Variants in HTR3B observed in about 807,000 individuals in gnomAD.
The protein encoded by HTR3B is 5-hydroxytryptamine (serotonin) receptor 3B, ionotropic.
In HTR3B, 44 loss-of-function variants were observed where a neutral mutation model predicts 42.8. The ratio of observed to expected loss-of-function variants is 1.03; its 90% CI spans 0.81 to 1.32. The LOEUF is 1.32. HTR3B is among the 40% of genes most tolerant of loss of function. The pLI is 0.00. For synonymous variants in HTR3B, 203 were observed against 209.0 expected, an observed-to-expected ratio of 0.97 and a Z score of 0.25; for missense variants, 527 against 536.5, an observed-to-expected ratio of 0.98 and a Z score of 0.17.
At chr11:113,938,045 C>T (rs996900849) in intron 6 of HTR3B, among the ~76,000 whole-genome samples, 2 of 152,204 alleles carry the variant, frequency 1.3e-5, no homozygotes, top group Admixed American at 1.3e-4. Flanking sequence ...GTCTCTGCCT[C>T]CATCTTCACA....
chr11:113,935,984 T>G (rs530995635), intron 6 of HTR3B, among the ~76,000 whole-genome samples: 2 of 152,136 alleles, frequency 1.3e-5, no homozygotes, highest in African/African-American at 4.8e-5. Context: ...ACAAATTGTT[T>G]ATCAGAGGAC....
chr11:113,901,813 G>C (rs989931274), upstream of HTR3B, among the ~76,000 whole-genome samples: 1 of 152,198 alleles, frequency 6.6e-6, no homozygotes, highest in Non-Finnish European at 1.5e-5. Flanking sequence ...GTTTGACTTA[G>C]AGTCATAGCT....
chr11:113,921,681 G>T (rs1949916294), intron 2 of HTR3B, among the ~76,000 whole-genome samples: 1 of 151,938 alleles, frequency 6.6e-6, no homozygotes, highest in African/African-American at 2.4e-5. Context: ...AATGGAAAAG[G>T]TGTAAAGTAT....
chr11:113,899,515 AAGGGAG>A, the HTR3B span, among the ~76,000 whole-genome samples: 1 of 152,228 alleles, frequency 6.6e-6, no homozygotes, highest in Non-Finnish European at 1.5e-5. Context: ...CATGACTGCC[AAGGGAG>A]TGAACAAAGA....
chr11:113,930,738 T>A (rs1288012104), intron 2 of HTR3B, among the ~76,000 whole-genome samples: 1 of 152,054 alleles, frequency 6.6e-6, no homozygotes, highest in African/African-American at 2.4e-5. Context: ...AATCCTCCTG[T>A]CTTGGCCTCC....
At chr11:113,939,107 G>A (rs1950113667) in intron 6 of HTR3B, among the ~76,000 whole-genome samples, 2 of 152,172 alleles carry the variant, frequency 1.3e-5, no homozygotes, top group Admixed American at 1.3e-4. Flanking sequence ...ACTATTTTGT[G>A]TGTCTTAGAA....
At chr11:113,912,602 A>G (rs1949807983) in intron 2 of HTR3B, among the ~76,000 whole-genome samples, 1 of 152,200 alleles carries the variant, frequency 6.6e-6, no homozygotes, top group Admixed American at 6.5e-5. Context: ...GAGGGTGTAT[A>G]CTTAATGAGA....
At chr11:113,929,375 C>A (rs1565562739) in intron 2 of HTR3B, among the ~76,000 whole-genome samples, 1 of 151,998 alleles carries the variant, frequency 6.6e-6, no homozygotes, top group South Asian at 2.1e-4. Context: ...GGGAGTCCAA[C>A]ATCAGGTTCT....
intron 2 of HTR3B, among the ~76,000 whole-genome samples, chr11:113,926,599 G>A (rs748290563): frequency 6.7e-6 from 1 of 150,284 alleles, no homozygotes; most frequent in Non-Finnish European, 1.5e-5. Context: ...CACGATCTTG[G>A]CTCATTGCAA....
chr11:113,921,067 C>T (rs1949907027), intron 2 of HTR3B, among the ~76,000 whole-genome samples: 1 of 151,744 alleles, frequency 6.6e-6, no homozygotes. Context: ...CCCACCTCAG[C>T]CTCCCAGAGT....
In HTR3B at chr11:113,904,873, T is replaced by C. The variant is rs78316221; in HGVS notation, c.-61T>C. On this transcript the variant is annotated 5_prime_UTR_variant, in exon 1 of 9. Transcript: ENST00000260191. Reference sequence around the variant, plus strand: ...TGGAGAGGAACCCTGTTAGGAGAAATTGAGCGGCATTCCATCTGGTAGGCA... The same window carrying C: ...TGGAGAGGAACCCTGTTAGGAGAAACTGAGCGGCATTCCATCTGGTAGGCA... The C allele has an allele frequency of 1.2e-3, 1,601 of 1,309,258 alleles. 18 individuals are homozygous for C. In the African/African-American group the frequency reaches 0.021, roughly 17 times the overall value. 81.1% of individuals were successfully genotyped at this position (1,309,258 alleles called of 1,614,324 possible).
At chr11:113,943,854 A>G (rs1565568677) in intron 7 of HTR3B, among the ~76,000 whole-genome samples, 1 of 151,762 alleles carries the variant, frequency 6.6e-6, no homozygotes. Flanking sequence ...AGAAAAAGAA[A>G]GAGAGAAAGA....
intron 2 of HTR3B, among the ~76,000 whole-genome samples, chr11:113,920,915 C>A (rs917252753): frequency 6.6e-5 from 10 of 150,816 alleles, no homozygotes; most frequent in African/African-American, 1.9e-4. Context: ...TGGGTTCAAG[C>A]GATTTTCCTG....
intron 2 of HTR3B, among the ~76,000 whole-genome samples, chr11:113,918,838 G>A (rs1949883455): frequency 6.6e-6 from 1 of 151,992 alleles, no homozygotes; most frequent in South Asian, 2.1e-4. Context: ...TGTATTTTTA[G>A]TAGAGACGGG....
chr11:113,903,433 T>C (rs559589032), upstream of HTR3B, among the ~76,000 whole-genome samples: 3,598 of 147,310 alleles, frequency 0.024, 129 homozygotes, highest in African/African-American at 0.084. Flanking sequence ...CTTTTCTTTT[T>C]TTTTTTTTTT....
At chr11:113,927,503 C>T (rs931389296) in intron 2 of HTR3B, among the ~76,000 whole-genome samples, 7 of 152,000 alleles carry the variant, frequency 4.6e-5, no homozygotes, top group African/African-American at 1.7e-4. Flanking sequence ...CTTTTCTCTG[C>T]ACATGTTTTC....
At chr11:113,943,234 C>G (rs1426051459) in intron 7 of HTR3B, 42 bp downstream of exon 7, 1 of 1,486,780 alleles carries the variant, frequency 6.7e-7, no homozygotes, top group Admixed American at 1.8e-5. Flanking sequence ...CTTACATGAC[C>G]CCTGTGAAAG....
chr11:113,922,321 C>A (rs1252664156), intron 2 of HTR3B, among the ~76,000 whole-genome samples: 1 of 151,782 alleles, frequency 6.6e-6, no homozygotes, highest in African/African-American at 2.4e-5. Context: ...TTCACTGCAA[C>A]CTCCCAGGCT....
At chr11:113,939,693 C>T (rs1362683191) in intron 6 of HTR3B, among the ~76,000 whole-genome samples, 1 of 152,186 alleles carries the variant, frequency 6.6e-6, no homozygotes, top group Non-Finnish European at 1.5e-5. Context: ...GTTTTCTTTA[C>T]ATAGGGACGT....
Sources: allele counts gnomAD v4.1 joint callset (sites outside exome capture counted in the v4.1 genomes callset), GRCh38; gene constraint gnomAD v4.1.1; transcripts MANE v1.5; gene names NCBI Gene and HGNC (gene_info 2026-07-23, HGNC 2026-07-21).